GNG4: variants seen among roughly 807,000 people sequenced by gnomAD.
The protein encoded by GNG4 is guanine nucleotide-binding protein G(I)/G(S)/G(O) subunit gamma-4.
GNG4 carries 4 observed loss-of-function variants against 5.8 expected under a neutral mutation model. That is an observed-to-expected ratio of 0.69 (90% CI 0.34 to 1.57). The LOEUF is 1.57. GNG4 is among the 40% of genes most tolerant of loss of function. GNG4 has a pLI of 0.06. For synonymous variants in GNG4, 29 were observed against 32.9 expected (o/e 0.88, Z 0.41); for missense variants, 96 against 95.1 (o/e 1.01, Z -0.04).
At chr1:235,605,949 A>G (rs1558494421) in intron 1 of GNG4, among the ~76,000 whole-genome samples, 2 of 96,244 alleles carry the variant, frequency 2.1e-5, no homozygotes, top group African/African-American at 3.8e-5. Flanking sequence ...TTTTTGATTG[A>G]GAGTGTGGGG....
At chr1:235,597,420 T>C (rs1024909159) in intron 1 of GNG4, among the ~76,000 whole-genome samples, 20 of 142,822 alleles carry the variant, frequency 1.4e-4, no homozygotes, top group Non-Finnish European at 2.1e-4. Context: ...ATTCCTATAT[T>C]GAAATCCAAA....
intron 2 of GNG4, among the ~76,000 whole-genome samples, chr1:235,588,217 C>T (rs1687872337): frequency 6.6e-6 from 1 of 152,098 alleles, no homozygotes; most frequent in South Asian, 2.1e-4. Context: ...ACTGTGCTTT[C>T]CTTGTTGTGC....
At chr1:235,574,515 T>C (rs1397463524) in intron 3 of GNG4, among the ~76,000 whole-genome samples, 5 of 152,202 alleles carry the variant, frequency 3.3e-5, no homozygotes, top group South Asian at 4.1e-4. Flanking sequence ...TGCTTCTTTG[T>C]TGGAAGCGCT....
intron 3 of GNG4, among the ~76,000 whole-genome samples, chr1:235,556,013 C>T (rs149983152): frequency 3.1e-4 from 47 of 151,940 alleles, no homozygotes; most frequent in Middle Eastern, 3.4e-3. Flanking sequence ...GTTACAGGCT[C>T]CTGCCACCAT....
At chr1:235,572,836 G>A (rs553190438) in intron 3 of GNG4, among the ~76,000 whole-genome samples, 4 of 152,020 alleles carry the variant, frequency 2.6e-5, no homozygotes, top group South Asian at 2.1e-4. Context: ...TGGGACCACC[G>A]TCATATATGC....
At chr1:235,617,463 T>C (rs1688615547) in intron 1 of GNG4, among the ~76,000 whole-genome samples, 2 of 152,142 alleles carry the variant, frequency 1.3e-5, no homozygotes, top group African/African-American at 2.4e-5. Context: ...GGTGAGCTAA[T>C]GTGGAGGTAA....
intron 3 of GNG4, among the ~76,000 whole-genome samples, chr1:235,559,812 TC>T (rs541606510): frequency 1.0e-3 from 152 of 152,370 alleles, no homozygotes; most frequent in African/African-American, 3.5e-3. Flanking sequence ...AGGCTTTTTT[TC>T]CACATCAAAA....
At chr1:235,558,919 A>G (rs1284478433) in intron 3 of GNG4, among the ~76,000 whole-genome samples, 1 of 152,222 alleles carries the variant, frequency 6.6e-6, no homozygotes, top group East Asian at 1.9e-4. Context: ...ATTTCAGAGT[A>G]AAAGAGGTGA....
intron 3 of GNG4, among the ~76,000 whole-genome samples, chr1:235,559,520 A>G (rs1185546312): frequency 6.6e-6 from 1 of 152,066 alleles, no homozygotes; most frequent in Non-Finnish European, 1.5e-5. Flanking sequence ...TGGCTTTCAG[A>G]GGATCCCAGT....
chr1:235,623,708 A>G (rs1315896251), intron 1 of GNG4, among the ~76,000 whole-genome samples: 1 of 152,042 alleles, frequency 6.6e-6, no homozygotes, highest in Non-Finnish European at 1.5e-5. Context: ...CCTCCAGAGG[A>G]TCTTTCCTGA....
chr1:235,572,006 T>C (rs1444014056), intron 3 of GNG4, among the ~76,000 whole-genome samples: 2 of 151,914 alleles, frequency 1.3e-5, no homozygotes, highest in Non-Finnish European at 1.5e-5. Context: ...GCTTACTTTT[T>C]TGAATTTTTA....
At position 235,547,687 on chromosome 1, in the gene GNG4, G is replaced by A. The variant is rs958017210; in HGVS notation, c.*4422C>T. The A allele has an allele frequency of 3.3e-5, 5 of 152,256 alleles. No individual in the cohort carries two copies. In the East Asian group the frequency reaches 9.6e-4, roughly 29 times the overall value. The allele number at this position is 152,256 out of a possible 1,614,324, so 9.4% of individuals were successfully genotyped here. A position where few individuals can be genotyped will look rare whatever the true frequency, so the allele number is the denominator to read the frequency against. ...TGCCAAAAAAGTAGGATTCTTGATTGCTAGTCACAAAGCCCAACTTTTTAT... is the reference window on the plus strand; with the variant it reads ...TGCCAAAAAAGTAGGATTCTTGATTACTAGTCACAAAGCCCAACTTTTTAT... On this transcript the variant is annotated 3_prime_UTR_variant, in exon 4 of 4. Coordinates refer to ENST00000391854, the MANE Select transcript of GNG4 (RefSeq NM_001098722.2).
intron 1 of GNG4, among the ~76,000 whole-genome samples, chr1:235,605,084 C>G (rs1183960288): frequency 6.6e-6 from 1 of 151,910 alleles, no homozygotes; most frequent in East Asian, 1.9e-4. Context: ...TAATAAGCAG[C>G]AAAAATAAGG....
chr1:235,623,221 G>A (rs1055179207), intron 1 of GNG4, among the ~76,000 whole-genome samples: 11 of 152,050 alleles, frequency 7.2e-5, no homozygotes, highest in African/African-American at 2.2e-4. Flanking sequence ...ACTGGGGCCC[G>A]TTCTTGGGGC....
intron 3 of GNG4, among the ~76,000 whole-genome samples, chr1:235,554,448 G>A (rs1686838698): frequency 6.6e-6 from 1 of 152,212 alleles, no homozygotes; most frequent in Non-Finnish European, 1.5e-5. Context: ...CACAAGGGCT[G>A]CAGTGTTGGA....
intron 3 of GNG4, among the ~76,000 whole-genome samples, chr1:235,564,686 A>T (rs185465440): frequency 6.6e-6 from 1 of 152,128 alleles, no homozygotes; most frequent in Non-Finnish European, 1.5e-5. Flanking sequence ...TGGTCATCAT[A>T]GTTATTATTA....
upstream of GNG4, among the ~76,000 whole-genome samples, chr1:235,650,173 G>A (rs929989848): frequency 6.7e-6 from 1 of 149,674 alleles, no homozygotes; most frequent in South Asian, 2.1e-4. Context: ...CCAGCAAAGG[G>A]CCGCGCCCCC....
At position 235,585,102 on chromosome 1, in the gene GNG4, CTCCT is replaced by C. The variant is rs374274339; in HGVS notation, c.-10-1258_-10-1255del. The stretch of plus-strand genomic sequence containing the variant: ...CTATTCTTTCCTATGCTTCTTTTTT[CTCCT>C]TCCTTCCTTCCCTCCCTCCTTCCCT... On this transcript the variant is annotated intron_variant, in intron 2 of 3. Transcript: ENST00000391854. 4.4e-3 allele frequency among the ~76,000 whole-genome samples: 674 copies of C among 151,928 alleles called. 4 individuals carry two copies. Among genetic ancestry groups the C allele is most frequent in the African/African-American group, 0.014 (585 of 41,464 alleles).
chr1:235,636,285 G>A (rs745615167), intron 1 of GNG4, among the ~76,000 whole-genome samples: 2 of 152,202 alleles, frequency 1.3e-5, no homozygotes, highest in Non-Finnish European at 2.9e-5. Flanking sequence ...TTCCAAAGCG[G>A]GTTCAGAAAG....
Sources: gnomAD v4.1 joint callset for allele counts (sites outside exome capture counted in the v4.1 genomes callset) on GRCh38, gnomAD v4.1.1 for gene constraint, MANE v1.5 for transcripts, NCBI Gene and HGNC (gene_info 2026-07-23, HGNC 2026-07-21) for gene names.